The following GNG4 variants were observed in gnomAD, a reference collection of about 807,000 sequenced individuals.
GNG4 encodes the protein guanine nucleotide-binding protein G(I)/G(S)/G(O) subunit gamma-4.
A neutral mutation model predicts 5.8 loss-of-function variants in GNG4; 4 were observed. The ratio of observed to expected loss-of-function variants is 0.69; its 90% CI spans 0.34 to 1.57. The LOEUF is 1.57. Ranked by LOEUF, GNG4 falls within the 40% of genes most tolerant of loss-of-function variation. The probability of loss-of-function intolerance (pLI) is 0.06; values close to 1 mark genes in which losing one functional copy is unlikely to be tolerated. For synonymous variants in GNG4, 29 were observed against 32.9 expected, an observed-to-expected ratio of 0.88 and a Z score of 0.41; for missense variants, 96 against 95.1, an observed-to-expected ratio of 1.01 and a Z score of -0.04.
At chr1:235,560,585 T>A (rs1451912191) in intron 3 of GNG4, among the ~76,000 whole-genome samples, 3 of 152,216 alleles carry the variant, frequency 2.0e-5, no homozygotes, top group Non-Finnish European at 2.9e-5. Context: ...TATTAATCCA[T>A]TATTCATTTG....
intron 3 of GNG4, among the ~76,000 whole-genome samples, chr1:235,562,647 G>GAAAAAAAAAAAAA (rs1286012762): frequency 9.2e-5 from 2 of 21,640 alleles, no homozygotes; most frequent in African/African-American, 1.5e-4. Context: ...TCTGTCTCAA[G>GAAAAAAAAAAAAA]AAAAAAAAAA....
rs186512776 is a variant in GNG4, at chr1:235,561,305, G to A, written c.100-9068C>T. ...ATTACAGGTGTGAGCCACCGCGCCC[G>A]GCCATTTTGCCCATTTTTTAATGTG... On this transcript the variant is annotated intron_variant, in intron 3 of 3. Transcript: ENST00000391854. Among the ~76,000 whole-genome samples, 68 of 152,226 alleles carry A rather than the reference G, an allele frequency of 4.5e-4. 1 individual carries two copies. Among genetic ancestry groups the A allele is most frequent in the Middle Eastern group, 3.4e-3 (1 of 292 alleles).
chr1:235,560,331 C>G (rs1687025101), intron 3 of GNG4, among the ~76,000 whole-genome samples: 1 of 152,160 alleles, frequency 6.6e-6, no homozygotes, highest in South Asian at 2.1e-4. Context: ...TGGATTAATG[C>G]TGTTATCATG....
intron 1 of GNG4, among the ~76,000 whole-genome samples, chr1:235,618,662 T>G (rs1481022123): frequency 7.2e-6 from 1 of 139,718 alleles, no homozygotes; most frequent in East Asian, 2.0e-4. Flanking sequence ...ATCTTTTTGT[T>G]TTTTTTTTTT....
intron 3 of GNG4, among the ~76,000 whole-genome samples, chr1:235,553,152 A>C (rs2102908411): frequency 6.6e-6 from 1 of 152,306 alleles, no homozygotes; most frequent in Middle Eastern, 3.4e-3. Context: ...TTCCAGGCTT[A>C]TCTGAAGCCT....
At chr1:235,573,713 G>A (rs552970472) in intron 3 of GNG4, among the ~76,000 whole-genome samples, 2 of 152,054 alleles carry the variant, frequency 1.3e-5, no homozygotes, top group African/African-American at 4.8e-5. Context: ...AGAGGCGGAG[G>A]TTGCAGTGAG....
In GNG4 at chr1:235,649,147, C is replaced by T. The variant is rs1053871421; in HGVS notation, c.-123+515G>A. 6.6e-6 allele frequency among the ~76,000 whole-genome samples: 1 copy of T among 152,190 alleles called. No individual in the cohort carries two copies. The highest frequency in any genetic ancestry group is 2.4e-5 in the African/African-American group (1 of 41,460). ...CAGCTGCGGTGGCTCCAGCGTCACC[C>T]CGAGTGCTCCCGAGGCGGCGTCTGG... is the stretch of plus-strand genomic sequence containing the variant. On this transcript the variant is annotated intron_variant, in intron 1 of 3. Transcript: ENST00000391854. The surrounding 1 kb of genome is among the most constrained non-coding windows in gnomAD (Gnocchi z 5.7).
chr1:235,609,599 G>T (rs1688434302), intron 1 of GNG4, among the ~76,000 whole-genome samples: 1 of 152,100 alleles, frequency 6.6e-6, no homozygotes, highest in South Asian at 2.1e-4. Flanking sequence ...TTTTCAGAAA[G>T]GTTGCAAGTA....
chr1:235,603,255 TAATAATTAA>T (rs1688292813), intron 1 of GNG4, among the ~76,000 whole-genome samples: 1 of 109,820 alleles, frequency 9.1e-6, no homozygotes, highest in Non-Finnish European at 2.0e-5. Context: ...ATAATGATAA[TAATAATTAA>T]TAATAATAAT....
intron 1 of GNG4, among the ~76,000 whole-genome samples, chr1:235,632,052 G>C (rs73122535): frequency 0.028 from 4,312 of 152,276 alleles, 206 homozygotes; most frequent in African/African-American, 0.095. Context: ...TGAACAGCCC[G>C]TCATGCAGGG....
At chr1:235,638,342 CAA>C (rs2102987039) in intron 1 of GNG4, among the ~76,000 whole-genome samples, 1 of 152,226 alleles carries the variant, frequency 6.6e-6, no homozygotes, top group Non-Finnish European at 1.5e-5. Flanking sequence ...TTCTGGAGTT[CAA>C]AAGTCTGAAA....
chr1:235,622,160 C>T (rs572553061), intron 1 of GNG4, among the ~76,000 whole-genome samples: 1 of 152,284 alleles, frequency 6.6e-6, no homozygotes, highest in African/African-American at 2.4e-5. Flanking sequence ...GAGTCCCACA[C>T]ATTTTTATAT....
intron 1 of GNG4, among the ~76,000 whole-genome samples, chr1:235,607,023 C>T (rs1448743573): frequency 6.6e-6 from 1 of 150,564 alleles, no homozygotes; most frequent in East Asian, 2.0e-4. Flanking sequence ...ACTGCAACCT[C>T]CGCCTTCTGG....
Position 235,583,774 on chromosome 1 carries a change from T to C in GNG4, c.65A>G (p.Gln22Arg). ...GTCCATACAGGCTTCCATCTTTAGC[T>C]GCTCCACAGCTTTCCTGGCTTGGGA... ...SISQARKAVEQLKMEACMDRV... is the reference protein window; with the variant it reads ...SISQARKAVERLKMEACMDRV... The change falls in exon 3 of 4, where the codon CAG (glutamine) becomes CGG (arginine). Residue 22 changes from glutamine (Q) to arginine (R), a missense_variant. Physicochemically the swap from Gln to Arg is conservative, Grantham distance 43. Coordinates refer to ENST00000391854, the MANE Select transcript of GNG4 (RefSeq NM_001098722.2). The C allele has an allele frequency of 6.2e-7, 1 of 1,613,880 alleles. No homozygotes were observed. The highest frequency in any genetic ancestry group is 8.5e-7 in the Non-Finnish European group (1 of 1,179,756).
At chr1:235,596,114 C>T (rs1012133242) in intron 1 of GNG4, among the ~76,000 whole-genome samples, 6 of 151,908 alleles carry the variant, frequency 3.9e-5, no homozygotes, top group African/African-American at 4.8e-5. Flanking sequence ...GCGGAGCTTG[C>T]GGTGAGCCAA....
chr1:235,581,833 G>C (rs1042336753), intron 3 of GNG4, among the ~76,000 whole-genome samples: 13 of 152,196 alleles, frequency 8.5e-5, no homozygotes, highest in African/African-American at 3.1e-4. Context: ...GTGTGCCTAA[G>C]TGACTCTTGA....
At chr1:235,596,704 A>G (rs1558491011) in intron 1 of GNG4, among the ~76,000 whole-genome samples, 1 of 152,126 alleles carries the variant, frequency 6.6e-6, no homozygotes, top group African/African-American at 2.4e-5. Flanking sequence ...AGAAGAGATC[A>G]GACGACTCGA....
At position 235,640,418 on chromosome 1, in the gene GNG4, G is replaced by A. The variant is rs115423133; in HGVS notation, c.-123+9244C>T. 6.0e-3 allele frequency among the ~76,000 whole-genome samples: 912 copies of A among 152,280 alleles called. 15 individuals are homozygous for A. The highest frequency in any genetic ancestry group is 0.021 in the African/African-American group (860 of 41,556). ...TGTCCAGGGGATGAGGCCCAAGAAGGGATATTTTAAAAACTGCCCAAAATG... is the reference window on the plus strand; with the variant it reads ...TGTCCAGGGGATGAGGCCCAAGAAGAGATATTTTAAAAACTGCCCAAAATG... On this transcript the variant is annotated intron_variant, in intron 1 of 3. Coordinates refer to ENST00000391854, the MANE Select transcript of GNG4 (RefSeq NM_001098722.2).
At chr1:235,613,408 G>A (rs745851009) in intron 1 of GNG4, among the ~76,000 whole-genome samples, 1 of 152,220 alleles carries the variant, frequency 6.6e-6, no homozygotes, top group Non-Finnish European at 1.5e-5. Flanking sequence ...GGTTGCAGAT[G>A]CAATTAACTA....
Sources: allele counts gnomAD v4.1 joint callset (sites outside exome capture counted in the v4.1 genomes callset), GRCh38; gene constraint gnomAD v4.1.1; non-coding constraint Gnocchi (gnomAD v3.1); transcripts MANE v1.5; gene names NCBI Gene and HGNC (gene_info 2026-07-23, HGNC 2026-07-21).